Variants in RTN4IP1 observed in about 807,000 individuals in gnomAD.
RTN4IP1 encodes reticulon 4 interacting protein 1.
A neutral mutation model predicts 46.6 loss-of-function variants in RTN4IP1; 32 were observed. The observed-to-expected ratio is 0.69, with a 90% CI of 0.52 to 0.92. The LOEUF is 0.92. Ranked by LOEUF, RTN4IP1 falls within the 40% of genes least tolerant of loss-of-function variation. RTN4IP1 has a pLI of 0.00. For synonymous variants in RTN4IP1, 167 were observed against 161.8 expected, an observed-to-expected ratio of 1.03 and a Z score of -0.24; for missense variants, 424 against 485.8, an observed-to-expected ratio of 0.87 and a Z score of 1.20.
intron 4 of RTN4IP1, among the ~76,000 whole-genome samples, chr6:106,616,807 A>G (rs1414142163): frequency 6.6e-6 from 1 of 152,266 alleles, no homozygotes; most frequent in Non-Finnish European, 1.5e-5. Flanking sequence ...GAGGTAGGCC[A>G]TTATTATAAC....
rs1214725874 is a variant in RTN4IP1 at position 106,581,790 on chromosome 6, CAG to C, written c.1083+1536_1083+1537del. Among the ~76,000 whole-genome samples, 4 of 152,220 alleles carry C rather than the reference CAG, an allele frequency of 2.6e-5. No homozygotes were observed. The East Asian group carries it at 5.8e-4, about 22-fold the overall frequency. Reference sequence around the variant, plus strand: ...TGTTGGGTAAACAGTAATTTCCAGGCAGAGAGAGAGTCACAATATTTTGAATA... The same window carrying C: ...TGTTGGGTAAACAGTAATTTCCAGGCAGAGAGAGTCACAATATTTTGAATA... On this transcript the variant is annotated intron_variant, in intron 8 of 8. Transcript: ENST00000369063.
chr6:106,603,626 A>G (rs990526223), intron 4 of RTN4IP1, among the ~76,000 whole-genome samples: 1 of 152,196 alleles, frequency 6.6e-6, no homozygotes, highest in Non-Finnish European at 1.5e-5. Context: ...AATTTCCTAA[A>G]ATAACATGTA....
At chr6:106,595,387 T>C (rs1260985012) in intron 5 of RTN4IP1, among the ~76,000 whole-genome samples, 1 of 152,204 alleles carries the variant, frequency 6.6e-6, no homozygotes, top group Non-Finnish European at 1.5e-5. Context: ...GAGGCTCTCT[T>C]TATTATCTTA....
chr6:106,614,429 C>T (rs183318053), intron 4 of RTN4IP1, among the ~76,000 whole-genome samples: 58 of 152,132 alleles, frequency 3.8e-4, no homozygotes, highest in African/African-American at 1.4e-3. Flanking sequence ...CTGACTGGAA[C>T]TCAGTAAGAG....
In RTN4IP1 at chr6:106,628,823, T is replaced by C. The variant is rs776642156; in HGVS notation, c.199A>G (p.Ile67Val). The C allele has an allele frequency of 1.2e-6, 2 of 1,614,106 alleles. No homozygotes were observed. The highest frequency in any genetic ancestry group is 1.7e-5 in the Admixed American group (1 of 60,022). Residue 67 changes from isoleucine (I) to valine (V), a missense_variant, in exon 1 of 9, where the codon ATC becomes GTC. Coordinates refer to ENST00000369063, the MANE Select transcript of RTN4IP1 (RefSeq NM_032730.5). Reference sequence around the variant, plus strand: ...ATGACTTCATTTGGATAGTGTATGATAGGCATCATCATGTTCTGAGTGAAT... The same window carrying C: ...ATGACTTCATTTGGATAGTGTATGACAGGCATCATCATGTTCTGAGTGAAT... ...LRFTQNMMMPIIHYPNEVIVK... is the reference protein window; with the variant it reads ...LRFTQNMMMPVIHYPNEVIVK...
intron 4 of RTN4IP1, among the ~76,000 whole-genome samples, chr6:106,605,073 T>C (rs1311597603): frequency 6.6e-6 from 1 of 152,190 alleles, no homozygotes; most frequent in Non-Finnish European, 1.5e-5. Flanking sequence ...GCAGCAGGAA[T>C]GCCATGTAGC....
At chr6:106,616,774 C>T (rs746273006) in intron 4 of RTN4IP1, among the ~76,000 whole-genome samples, 15 of 152,212 alleles carry the variant, frequency 9.9e-5, no homozygotes, top group Non-Finnish European at 2.1e-4. Context: ...TCTCATGTGA[C>T]TCTCACAAAT....
At chr6:106,585,665 AG>A (rs1445664108) in intron 7 of RTN4IP1, among the ~76,000 whole-genome samples, 3 of 152,334 alleles carry the variant, frequency 2.0e-5, no homozygotes, top group East Asian at 1.9e-4. Context: ...AGTAAACCAA[AG>A]CAGGTAGGAG....
chr6:106,606,706 A>G (rs1776084860), intron 4 of RTN4IP1, among the ~76,000 whole-genome samples: 1 of 152,060 alleles, frequency 6.6e-6, no homozygotes, highest in Non-Finnish European at 1.5e-5. Context: ...TCAGGAGTTC[A>G]AGACCAGCCT....
chr6:106,621,267 T>C (rs919955549), intron 3 of RTN4IP1, among the ~76,000 whole-genome samples, 158 bp downstream of exon 3: 1 of 152,232 alleles, frequency 6.6e-6, no homozygotes, highest in Non-Finnish European at 1.5e-5. Flanking sequence ...TGGCATCAAA[T>C]ACTTTTTTAA....
Position 106,619,301 on chromosome 6 carries a change from G to A in RTN4IP1, c.521C>T (p.Thr174Ile), listed in dbSNP as rs769034201. The A allele has an allele frequency of 1.2e-6, 2 of 1,614,054 alleles. No homozygotes were observed. The highest frequency in any genetic ancestry group is 1.7e-6 in the Non-Finnish European group (2 of 1,180,014). The change falls in exon 4 of 9, where the codon ACT (threonine) becomes ATT (isoleucine). Residue 174 changes from threonine (T) to isoleucine (I), a missense_variant. Physicochemically the swap from Thr to Ile is moderately conservative, Grantham distance 89. Coordinates refer to ENST00000369063, the MANE Select transcript of RTN4IP1 (RefSeq NM_032730.5). ...TGGCAAAGAGGCAGCTTGAGTATGA[G>A]TGAGTGATTTGGGTTTGTGAGAGAC... is the stretch of plus-strand genomic sequence containing the variant. ...NEVSHKPKSL[T>I]HTQAASLPYV...
chr6:106,593,093 C>T (rs114197033), intron 5 of RTN4IP1, among the ~76,000 whole-genome samples: 2,983 of 152,194 alleles, frequency 0.02, 79 homozygotes, highest in African/African-American at 0.07. Flanking sequence ...AATATTGAAT[C>T]AGAAAGCGTG....
Position 106,619,285 on chromosome 6 carries a change from G to C in RTN4IP1, c.537C>G (p.Ala179=), listed in dbSNP as rs1452416261. ...CTGTGAGAGCCACATATGGCAAAGA[G>C]GCAGCTTGAGTATGAGTGAGTGATT... ...KPKSLTHTQA[A]SLPYVALTAW... is the part of the protein sequence containing the mutation. The change falls in exon 4 of 9, where the codon GCC becomes GCG. Residue 179 remains alanine (A), a synonymous_variant. Transcript: ENST00000369063. The C allele has an allele frequency of 6.8e-6, 11 of 1,614,044 alleles. No individual in the cohort carries two copies. Among genetic ancestry groups the C allele is most frequent in the Non-Finnish European group, 9.3e-6 (11 of 1,180,018 alleles).
In RTN4IP1 at chr6:106,605,895, G is replaced by A. The variant is rs192448102; in HGVS notation, c.621-2973C>T. ...GCGCTCACCCAGGAACAAAGCCAAAGCACTCTACTCAAACAACACAATAGA... is the reference window on the plus strand; with the variant it reads ...GCGCTCACCCAGGAACAAAGCCAAAACACTCTACTCAAACAACACAATAGA... On this transcript the variant is annotated intron_variant, in intron 4 of 8. Transcript: ENST00000369063. Among the ~76,000 whole-genome samples, 252 of 148,176 alleles carry A rather than the reference G, an allele frequency of 1.7e-3. 1 individual carries two copies. The highest frequency in any genetic ancestry group is 6.0e-3 in the African/African-American group (241 of 39,954).
chr6:106,580,365 C>T (rs1438196057), intron 8 of RTN4IP1, among the ~76,000 whole-genome samples: 1 of 151,844 alleles, frequency 6.6e-6, no homozygotes, highest in Non-Finnish European at 1.5e-5. Context: ...GAAGGTAGGC[C>T]ACAAGATAAA....
At chr6:106,572,722 C>G (rs942791402) in intron 8 of RTN4IP1, among the ~76,000 whole-genome samples, 1 of 152,150 alleles carries the variant, frequency 6.6e-6, no homozygotes, top group African/African-American at 2.4e-5. Context: ...ATCCCAAGGT[C>G]CTTGCTGTAT....
At position 106,622,936 on chromosome 6, in the gene RTN4IP1, C is replaced by G. The variant is rs372054380; in HGVS notation, c.308G>C (p.Arg103Pro). Residue 103 changes from arginine to proline, a missense_variant, in exon 2 of 9, where the codon CGT becomes CCT. Coordinates refer to ENST00000369063, the MANE Select transcript of RTN4IP1 (RefSeq NM_032730.5). The stretch of plus-strand genomic sequence containing the variant: ...TTTGATTTTCACGTGTAAAGGATCA[C>G]GCTTCATATTTAAAGCTGTAGCTCC... Reference protein sequence around the residue: ...GYGATALNMKRDPLHVKIKGE... With the variant: ...GYGATALNMKPDPLHVKIKGE... 1 of 1,614,022 alleles carries G rather than the reference C, an allele frequency of 6.2e-7. No individual in the cohort carries two copies. The highest frequency in any genetic ancestry group is 1.3e-5 in the African/African-American group (1 of 74,918).
chr6:106,585,103 T>C (rs1031096176), intron 7 of RTN4IP1, among the ~76,000 whole-genome samples: 1 of 152,242 alleles, frequency 6.6e-6, no homozygotes, highest in African/African-American at 2.4e-5. Context: ...AGCCTCTACA[T>C]GCTGTTCAAA....
intron 7 of RTN4IP1, among the ~76,000 whole-genome samples, chr6:106,586,437 C>T (rs1775485920): frequency 6.6e-6 from 1 of 151,930 alleles, no homozygotes; most frequent in African/African-American, 2.4e-5. Flanking sequence ...TACAGTGGCA[C>T]GATCATGGCT....
Sources: allele counts gnomAD v4.1 joint callset (sites outside exome capture counted in the v4.1 genomes callset), GRCh38; gene constraint gnomAD v4.1.1; transcripts MANE v1.5; gene names NCBI Gene and HGNC (gene_info 2026-07-23, HGNC 2026-07-21).